Variants in ATXN7 observed in about 807,000 individuals in gnomAD.
The protein encoded by ATXN7 is ataxin-7.
ATXN7 carries 12 observed loss-of-function variants against 70.5 expected under a neutral mutation model. That is an observed-to-expected ratio of 0.17 (90% CI 0.11 to 0.28). ATXN7 has a LOEUF of 0.28. ATXN7 is among the 10% of genes least tolerant of loss of function. The pLI is 1.00. For missense variants in ATXN7, 1,256 were observed against 1,131.7 expected (o/e 1.11, Z -1.58); for synonymous variants, 498 against 448.7 (o/e 1.11, Z -1.39).
chr3:63,957,947 A>G (rs201226663), intron 5 of ATXN7, among the ~76,000 whole-genome samples: 1 of 152,178 alleles, frequency 6.6e-6, no homozygotes, highest in East Asian at 1.9e-4. Context: ...AAGACCACGT[A>G]AGACAAATAC....
chr3:63,881,459 T>C (rs1443254837), intron 1 of ATXN7, among the ~76,000 whole-genome samples: 1 of 151,480 alleles, frequency 6.6e-6, no homozygotes, highest in Non-Finnish European at 1.5e-5. Context: ...TGCTGGAAAC[T>C]GGCCTTGTTC....
intron 5 of ATXN7, among the ~76,000 whole-genome samples, chr3:63,972,929 C>G (rs1047134948): frequency 6.6e-6 from 1 of 152,172 alleles, no homozygotes; most frequent in Non-Finnish European, 1.5e-5. Context: ...ATAAACAAGC[C>G]TGTAGCTGGT....
At chr3:63,941,525 C>A (rs1019905514) in intron 4 of ATXN7, among the ~76,000 whole-genome samples, 1 of 152,146 alleles carries the variant, frequency 6.6e-6, no homozygotes, top group Non-Finnish European at 1.5e-5. Context: ...TGCCCCAGTC[C>A]CATGGAAAAA....
intron 11 of ATXN7, 24 bp from the exon 12 acceptor site, chr3:63,995,481 T>C: frequency 1.2e-6 from 2 of 1,612,940 alleles, no homozygotes; most frequent in Non-Finnish European, 1.7e-6. Flanking sequence ...TCAGTGTCAT[T>C]CACTGTCCTC....
chr3:63,998,527 C>A (rs1356159503), intron 12 of ATXN7: 46 of 985,174 alleles, frequency 4.7e-5, no homozygotes, highest in Middle Eastern at 1.0e-3. Context: ...ACACAGACAG[C>A]CTAACTTTGG....
At chr3:63,891,103 G>A (rs748867784) in intron 1 of ATXN7, among the ~76,000 whole-genome samples, 2 of 151,960 alleles carry the variant, frequency 1.3e-5, no homozygotes, top group Admixed American at 6.6e-5. Context: ...TCCACCTCCC[G>A]GGTTCAAGTG....
chr3:63,990,093 T>G, intron 9 of ATXN7, 83 bp from the exon 10 acceptor site: 2 of 1,380,196 alleles, frequency 1.4e-6, no homozygotes, highest in Non-Finnish European at 2.0e-6. Context: ...CTAGGTTGTT[T>G]TGGACACACT....
chr3:63,882,310 T>C (rs1702937984), intron 1 of ATXN7, among the ~76,000 whole-genome samples: 1 of 152,068 alleles, frequency 6.6e-6, no homozygotes. Context: ...ACACAGTGCA[T>C]GGTATAAAAT....
chr3:63,913,080 G>A (rs1704120771), intron 3 of ATXN7, 77 bp from the exon 4 acceptor site: 17 of 1,449,276 alleles, frequency 1.2e-5, no homozygotes, highest in Non-Finnish European at 1.6e-5. Flanking sequence ...CACCTACCCC[G>A]TGCGTGCGTG....
chr3:63,994,022 G>A (rs1245812981), intron 11 of ATXN7, among the ~76,000 whole-genome samples: 1 of 152,142 alleles, frequency 6.6e-6, no homozygotes, highest in African/African-American at 2.4e-5. Context: ...GGGAGAGAGA[G>A]CCTAGCCTCT....
intron 7 of ATXN7, 77 bp downstream of exon 7, chr3:63,982,522 A>T: frequency 1.6e-6 from 2 of 1,244,820 alleles, no homozygotes; most frequent in Non-Finnish European, 2.2e-6. Context: ...ATCAACTGCA[A>T]TCTAGAATTC....
chr3:63,993,027 TTATTGTGGTAA>T (rs2075696757), intron 11 of ATXN7, among the ~76,000 whole-genome samples: 1 of 152,038 alleles, frequency 6.6e-6, no homozygotes, highest in African/African-American at 2.4e-5. Context: ...CCTTACAGGG[TTATTGTGGTAA>T]AATTGAAGGT....
intron 2 of ATXN7, among the ~76,000 whole-genome samples, chr3:63,908,110 C>T (rs1041437770): frequency 6.6e-6 from 1 of 152,110 alleles, no homozygotes; most frequent in Admixed American, 6.5e-5. Context: ...GTTGAGTTTT[C>T]AAAAAGCTAT....
At chr3:63,902,579 A>G (rs1237610122) in intron 2 of ATXN7, among the ~76,000 whole-genome samples, 1 of 152,108 alleles carries the variant, frequency 6.6e-6, no homozygotes, top group Non-Finnish European at 1.5e-5. Flanking sequence ...GGAGCGGTGG[A>G]TGCTAAGGGT....
chr3:64,001,012 C>T lies in ATXN7; in HGVS notation c.*1545C>T, dbSNP rs183418963. The T allele has an allele frequency of 1.4e-3, 220 of 152,040 alleles. 1 individual carries two copies. Among genetic ancestry groups the T allele is most frequent in the African/African-American group, 5.1e-3 (213 of 41,458 alleles). The allele number at this position is 152,040 out of a possible 1,614,324, so 9.4% of individuals were successfully genotyped here. A position where few individuals can be genotyped will look rare whatever the true frequency, so the allele number is the denominator to read the frequency against. On this transcript the variant is annotated 3_prime_UTR_variant, in exon 13 of 13. Coordinates refer to ENST00000674280, the MANE Select transcript of ATXN7 (RefSeq NM_001377405.1). ...TCCAAGGCGCTGATCGTTGCCCTGG[C>T]CAGGGCCTGATGAGAGCCAGTCAGT...
intron 4 of ATXN7, among the ~76,000 whole-genome samples, chr3:63,949,673 C>G (rs1272987590): frequency 6.6e-6 from 1 of 152,174 alleles, no homozygotes; most frequent in Non-Finnish European, 1.5e-5. Flanking sequence ...GCTGGAATTA[C>G]AGGCATGAGC....
At position 64,003,166 on chromosome 3, in the gene ATXN7, A is replaced by G. The variant is rs1041991753; in HGVS notation, c.*3699A>G. 1 of 148,526 alleles carries G rather than the reference A, an allele frequency of 6.7e-6. No homozygotes were observed. Among genetic ancestry groups the G allele is most frequent in the Non-Finnish European group, 1.5e-5 (1 of 67,550 alleles). The allele number at this position is 148,526 out of a possible 1,614,324, so 9.2% of individuals were successfully genotyped here. A position where few individuals can be genotyped will look rare whatever the true frequency, so the allele number is the denominator to read the frequency against. Reference sequence around the variant, plus strand: ...TTCAGATAATTTAAATGAGCACTACATACTGTCAGTGTGAATGTAGGGCCT... The same window carrying G: ...TTCAGATAATTTAAATGAGCACTACGTACTGTCAGTGTGAATGTAGGGCCT... On this transcript the variant is annotated 3_prime_UTR_variant, in exon 13 of 13. Transcript: ENST00000674280.
At chr3:63,990,587 C>A in intron 10 of ATXN7, 151 bp from the exon 11 acceptor site, 1 of 1,309,856 alleles carries the variant, frequency 7.6e-7, no homozygotes, top group Non-Finnish European at 1.1e-6. Flanking sequence ...ACGCTCAGGG[C>A]TAGGCATTGT....
chr3:63,991,075 C>A, intron 11 of ATXN7: 1 of 619,218 alleles, frequency 1.6e-6, no homozygotes, highest in Non-Finnish European at 2.7e-6. Flanking sequence ...CAGAAGGACT[C>A]CCACATGTAT....
Sources: allele counts gnomAD v4.1 joint callset (sites outside exome capture counted in the v4.1 genomes callset), GRCh38; gene constraint gnomAD v4.1.1; transcripts MANE v1.5; gene names NCBI Gene and HGNC (gene_info 2026-07-23, HGNC 2026-07-21).